Variants in FBXL4 observed in about 807,000 individuals in gnomAD.
FBXL4 encodes the protein F-box and leucine rich repeat protein 4, also known as F-box/LRR-repeat protein 4.
A neutral mutation model predicts 58.9 loss-of-function variants in FBXL4; 40 were observed. That is an observed-to-expected ratio of 0.68 (90% CI 0.53 to 0.88). The LOEUF is 0.88. Among genes scored for constraint, FBXL4 ranks in the 40% least tolerant of loss-of-function variants. The pLI is 0.00. For synonymous variants in FBXL4, 263 were observed against 265.5 expected (o/e 0.99, Z 0.09); for missense variants, 676 against 734.4 (o/e 0.92, Z 0.92).
At chr6:98,894,238 A>G (rs546262103) in intron 7 of FBXL4, among the ~76,000 whole-genome samples, 9 of 152,354 alleles carry the variant, frequency 5.9e-5, no homozygotes, top group African/African-American at 2.2e-4. Context: ...AAGTACTTGC[A>G]ATCAATGCTT....
chr6:98,874,464 A>G, intron 9 of FBXL4, 23 bp from the exon 10 acceptor site: 1 of 1,593,644 alleles, frequency 6.3e-7, no homozygotes, highest in Non-Finnish European at 8.5e-7. Context: ...AACAAAACAA[A>G]ACAAAACAAA....
Position 98,871,211 on chromosome 6 carries a change from T to C in FBXL4, c.*3067A>G, listed in dbSNP as rs1770482501. The C allele has an allele frequency of 1.3e-5, 2 of 152,206 alleles. No homozygotes were observed. The highest frequency in any genetic ancestry group is 2.9e-5 in the Non-Finnish European group (2 of 68,030). 9.4% of individuals were successfully genotyped at this position (152,206 alleles called of 1,614,324 possible). Reference sequence around the variant, plus strand: ...TGTTTGATTCTATCGGCTGAAGGACTGTGTCCAAAGTAAACTTAAGACTAT... The same window carrying C: ...TGTTTGATTCTATCGGCTGAAGGACCGTGTCCAAAGTAAACTTAAGACTAT... On this transcript the variant is annotated 3_prime_UTR_variant, in exon 10 of 10. Coordinates refer to ENST00000369244, the MANE Select transcript of FBXL4 (RefSeq NM_001278716.2).
At chr6:98,884,740 T>C (rs1411006895) in intron 7 of FBXL4, among the ~76,000 whole-genome samples, 1 of 152,242 alleles carries the variant, frequency 6.6e-6, no homozygotes, top group Non-Finnish European at 1.5e-5. Flanking sequence ...TCTCTCTTCA[T>C]GAAAGATAAT....
At chr6:98,905,198 G>C in intron 6 of FBXL4, among the ~76,000 whole-genome samples, 1 of 152,314 alleles carries the variant, frequency 6.6e-6, no homozygotes, top group African/African-American at 2.4e-5. Context: ...ATGAAGTAAA[G>C]GGTATAGTTT....
At chr6:98,914,823 A>T (rs1335483858) in intron 5 of FBXL4, among the ~76,000 whole-genome samples, 2 of 152,186 alleles carry the variant, frequency 1.3e-5, no homozygotes, top group Admixed American at 1.3e-4. Flanking sequence ...GGCCAGGGCA[A>T]TTAGGCAGGA....
chr6:98,892,874 C>G (rs1258159111), intron 7 of FBXL4, among the ~76,000 whole-genome samples: 1 of 152,166 alleles, frequency 6.6e-6, no homozygotes, highest in Non-Finnish European at 1.5e-5. Context: ...ATATACTAGT[C>G]CCCCACAATA....
chr6:98,932,910 G>GAA (rs572882559), intron 2 of FBXL4, among the ~76,000 whole-genome samples: 1 of 101,730 alleles, frequency 9.8e-6, no homozygotes, highest in Non-Finnish European at 2.1e-5. Context: ...TGAAGTCATA[G>GAA]AAAAAAAAAA....
Position 98,873,683 on chromosome 6 carries a change from T to C in FBXL4, c.*595A>G, listed in dbSNP as rs139247170. On this transcript the variant is annotated 3_prime_UTR_variant, in exon 10 of 10. Coordinates refer to ENST00000369244, the MANE Select transcript of FBXL4 (RefSeq NM_001278716.2). ...TACACTAGAGTCTCAAAATCCCATCTCAAGTAATCCTCCTGCCTCCACCTC... is the reference window on the plus strand; with the variant it reads ...TACACTAGAGTCTCAAAATCCCATCCCAAGTAATCCTCCTGCCTCCACCTC... 1 of 152,200 alleles carries C rather than the reference T, an allele frequency of 6.6e-6. No homozygotes were observed. The highest frequency in any genetic ancestry group is 1.5e-5 in the Non-Finnish European group (1 of 68,080). The allele number at this position is 152,200 out of a possible 1,614,324, so 9.4% of individuals were successfully genotyped here.
In FBXL4 at chr6:98,917,666, C is replaced by G. The variant is rs769532824; in HGVS notation, c.566G>C (p.Arg189Pro). ...RPTKVNASQARQFKPCIKQIN... is the reference protein window; with the variant it reads ...RPTKVNASQAPQFKPCIKQIN... ...CTGCTTAATACAAGGTTTAAACTGGCGAGCTTGGGAAGCATTCACCTTCGT... is the reference window on the plus strand; with the variant it reads ...CTGCTTAATACAAGGTTTAAACTGGGGAGCTTGGGAAGCATTCACCTTCGT... Residue 189 changes from arginine to proline, a missense_variant, in exon 5 of 10, where the codon CGC (arginine) becomes CCC (proline). Coordinates refer to ENST00000369244, the MANE Select transcript of FBXL4 (RefSeq NM_001278716.2). The G allele has an allele frequency of 6.2e-7, 1 of 1,613,060 alleles. No individual in the cohort carries two copies. Among genetic ancestry groups the G allele is most frequent in the Non-Finnish European group, 8.5e-7 (1 of 1,179,476 alleles).
chr6:98,947,666 G>A (rs1398733284), intron 1 of FBXL4, 140 bp downstream of exon 1: 1 of 152,586 alleles, frequency 6.6e-6, no homozygotes, highest in African/African-American at 2.4e-5. Flanking sequence ...GGCGGGGAGG[G>A]GCGGGCAGCG....
intron 9 of FBXL4, among the ~76,000 whole-genome samples, chr6:98,874,681 C>T (rs1343234177): frequency 2.0e-5 from 3 of 152,144 alleles, no homozygotes; most frequent in Admixed American, 2.0e-4. Flanking sequence ...ATATCCTACC[C>T]ACTATCTTCA....
chr6:98,902,692 A>T (rs1284671685), intron 6 of FBXL4, among the ~76,000 whole-genome samples: 1 of 152,088 alleles, frequency 6.6e-6, no homozygotes, highest in Non-Finnish European at 1.5e-5. Flanking sequence ...TTGAAGAAAA[A>T]TGGTAGGGAA....
At chr6:98,890,507 C>T (rs747708997) in intron 7 of FBXL4, among the ~76,000 whole-genome samples, 6 of 152,174 alleles carry the variant, frequency 3.9e-5, no homozygotes, top group Non-Finnish European at 7.3e-5. Context: ...ATCCTAAGAA[C>T]ACAACCACTC....
chr6:98,917,425 A>C lies in FBXL4; in HGVS notation c.807T>G (p.Ala269=), dbSNP rs1772402216. The part of the protein sequence containing the change: ...MDSLNKKFSS[A]VLGEGPNNGY... ...CATTATTTGGCCCTTCCCCGAGGAC[A>C]GCACTGCTAAACTTTTTGTTAAGAC... Residue 269 remains alanine, a synonymous_variant, in exon 5 of 10, where the codon GCT becomes GCG. Coordinates refer to ENST00000369244, the MANE Select transcript of FBXL4 (RefSeq NM_001278716.2). The C allele has an allele frequency of 6.2e-7, 1 of 1,613,786 alleles. No individual in the cohort carries two copies. The highest frequency in any genetic ancestry group is 2.2e-5 in the East Asian group (1 of 44,874).
chr6:98,914,619 C>A (rs564292443), intron 5 of FBXL4, among the ~76,000 whole-genome samples: 1 of 152,108 alleles, frequency 6.6e-6, no homozygotes, highest in Admixed American at 6.5e-5. Context: ...AATTCAACAA[C>A]GCTTCATGCT....
rs554247370 is a variant in FBXL4, at chr6:98,896,706, T to TA, written c.1317+2561dup. Reference sequence around the variant, plus strand: ...TATGATATTTTACCAGATGAGCCAATAAAAAAAATTTAATAGGAAGTAACA... The same window carrying TA: ...TATGATATTTTACCAGATGAGCCAATAAAAAAAAATTTAATAGGAAGTAACA... On this transcript the variant is annotated intron_variant, in intron 7 of 9. Transcript: ENST00000369244. 6.8e-4 allele frequency: 548 copies of TA among 807,708 alleles called. 1 individual carries two copies. Among genetic ancestry groups the TA allele is most frequent in the Non-Finnish European group, 7.8e-4 (519 of 668,452 alleles). The allele number at this position is 807,708 out of a possible 1,614,324, so 50.0% of individuals were successfully genotyped here.
Position 98,905,639 on chromosome 6 carries a change from A to G in FBXL4, c.890T>C (p.Leu297Pro). ...LIQLILNHLT[L>P]PDLCRLAQTC... ...CTGTGCTAATCTACACAGGTCTGGT[A>G]GTGTAAGATGATTCAGAATCAGCTG... Residue 297 changes from leucine to proline, a missense_variant, in exon 6 of 10, where the codon CTA becomes CCA. Leu to Pro is a moderately conservative substitution (Grantham distance 98). Coordinates refer to ENST00000369244, the MANE Select transcript of FBXL4 (RefSeq NM_001278716.2). The G allele has an allele frequency of 6.2e-7, 1 of 1,613,862 alleles. No individual in the cohort carries two copies. The highest frequency in any genetic ancestry group is 8.5e-7 in the Non-Finnish European group (1 of 1,179,834).
At chr6:98,917,348 ACTG>A (rs768763924) in intron 5 of FBXL4, 23 bp downstream of exon 5, 12 of 1,489,360 alleles carry the variant, frequency 8.1e-6, no homozygotes, top group Non-Finnish European at 1.0e-5. Flanking sequence ...TATATCCAAT[ACTG>A]CTGCTAAATA....
rs191412173 is a variant in FBXL4, at chr6:98,898,530, G to C, written c.1317+738C>G. 87 of 890,902 alleles carry C rather than the reference G, an allele frequency of 9.8e-5. No homozygotes were observed. In the East Asian group the frequency reaches 9.7e-3, roughly 99 times the overall value. 55.2% of individuals were successfully genotyped at this position (890,902 alleles called of 1,614,324 possible). On this transcript the variant is annotated intron_variant, in intron 7 of 9. Coordinates refer to ENST00000369244, the MANE Select transcript of FBXL4 (RefSeq NM_001278716.2). ...TGAGGCAGGAGAATCGCTTGAACTG[G>C]TCAGGCGGAGGTTTCAGTGAGCTGA...
Sources: allele counts gnomAD v4.1 joint callset (sites outside exome capture counted in the v4.1 genomes callset), GRCh38; gene constraint gnomAD v4.1.1; transcripts MANE v1.5; gene names NCBI Gene and HGNC (gene_info 2026-07-23, HGNC 2026-07-21).